RYR2: variants seen among roughly 807,000 people sequenced by gnomAD.
RYR2 encodes cardiac muscle ryanodine receptor-calcium release channel.
Under a neutral mutation model 601.1 loss-of-function variants are expected in RYR2, and 227 were observed. That is an observed-to-expected ratio of 0.38 (90% CI 0.34 to 0.42). The LOEUF (loss-of-function observed/expected upper bound fraction) is 0.42. RYR2 is among the 10% of genes least tolerant of loss of function. The pLI is 1.00. For synonymous variants in RYR2, 2,223 were observed against 2,175.1 expected (o/e 1.02, Z -0.61); for missense variants, 4,646 against 6,156.5 (o/e 0.75, Z 8.21).
intron 2 of RYR2, among the ~76,000 whole-genome samples, chr1:237,325,692 A>G (rs1252972520): frequency 2.0e-5 from 3 of 152,132 alleles, no homozygotes; most frequent in African/African-American, 4.8e-5. Context: ...TGTCTCAAAA[A>G]CAAAAACAAA....
Position 237,369,114 on chromosome 1 carries a change from C to T in RYR2, c.310-420C>T, listed in dbSNP as rs192394495. On this transcript the variant is annotated intron_variant, in intron 5 of 104. Coordinates refer to ENST00000366574, the MANE Select transcript of RYR2 (RefSeq NM_001035.3). ...CTGGGATTACAGGCATGAGCCACCA[C>T]GCCTGGCCTGAATCAACATTTATTT... Among the ~76,000 whole-genome samples, 22 of 152,180 alleles carry T rather than the reference C, an allele frequency of 1.4e-4. No homozygotes were observed. In the East Asian group the frequency reaches 1.7e-3, roughly 12 times the overall value.
At chr1:237,378,859 T>C (rs1467621868) in intron 8 of RYR2, among the ~76,000 whole-genome samples, 21 of 152,214 alleles carry the variant, frequency 1.4e-4, no homozygotes, top group Admixed American at 1.2e-3. Context: ...GGAAATGGTA[T>C]AACAGTGTCT....
chr1:237,371,157 T>A (rs1700611786), intron 6 of RYR2, among the ~76,000 whole-genome samples: 1 of 151,990 alleles, frequency 6.6e-6, no homozygotes, highest in East Asian at 1.9e-4. Flanking sequence ...GTTACCAAAT[T>A]TATATCATTT....
At chr1:237,477,249 G>A (rs1413268460) in intron 17 of RYR2, among the ~76,000 whole-genome samples, 1 of 152,096 alleles carries the variant, frequency 6.6e-6, no homozygotes, top group Non-Finnish European at 1.5e-5. Context: ...AAATAAGCTG[G>A]GCGTAGTGGT....
intron 17 of RYR2, among the ~76,000 whole-genome samples, chr1:237,484,242 T>TA (rs753892222): frequency 2.0e-5 from 3 of 152,220 alleles, no homozygotes; most frequent in Non-Finnish European, 4.4e-5. Context: ...CACACTCCTG[T>TA]ATCCTTCATG....
intron 35 of RYR2, among the ~76,000 whole-genome samples, chr1:237,604,761 A>G (rs1282827919): frequency 1.3e-5 from 2 of 152,202 alleles, no homozygotes; most frequent in African/African-American, 4.8e-5. Context: ...TCCCACAGAA[A>G]TACAAACTAC....
intron 2 of RYR2, among the ~76,000 whole-genome samples, chr1:237,327,976 T>C (rs1345667025): frequency 6.6e-6 from 1 of 152,218 alleles, no homozygotes; most frequent in African/African-American, 2.4e-5. Context: ...AATTAATAAA[T>C]GTTGGTCTGA....
At position 237,614,500 on chromosome 1, in the gene RYR2, C is replaced by T; in HGVS notation, c.5372C>T (p.Thr1791Ile). The T allele has an allele frequency of 6.2e-7, 1 of 1,614,040 alleles. No individual in the cohort carries two copies. The highest frequency in any genetic ancestry group is 8.5e-7 in the Non-Finnish European group (1 of 1,179,904). The stretch of plus-strand genomic sequence containing the variant: ...CCACTGGACATCCTCAAGTCCAAAA[C>T]CATACAGATGCTGACAGAAGCTGTT... Reference protein sequence around the residue: ...EFPLDILKSKTIQMLTEAVKE... With the variant: ...EFPLDILKSKIIQMLTEAVKE... The change falls in exon 37 of 105, where the codon ACC (threonine) becomes ATC (isoleucine). Residue 1791 changes from threonine to isoleucine, a missense_variant. Thr to Ile is a moderately conservative substitution (Grantham distance 89, BLOSUM62 -1). Transcript: ENST00000366574. The surrounding 1 kb of genome is among the most constrained non-coding windows in gnomAD (Gnocchi z 4.3).
chr1:237,617,797 T>C (rs1356267181), intron 38 of RYR2, among the ~76,000 whole-genome samples: 1 of 152,182 alleles, frequency 6.6e-6, no homozygotes, highest in East Asian at 1.9e-4. Flanking sequence ...CTTCCACTCA[T>C]AGGAATTTTT....
intron 10 of RYR2, among the ~76,000 whole-genome samples, chr1:237,413,110 G>T (rs1485558908): frequency 1.3e-5 from 2 of 152,068 alleles, no homozygotes; most frequent in African/African-American, 4.8e-5. Context: ...GTCTGAAACA[G>T]CCCATGAAGA....
intron 12 of RYR2, among the ~76,000 whole-genome samples, chr1:237,427,567 G>A (rs1706300278): frequency 6.6e-6 from 1 of 151,990 alleles, no homozygotes; most frequent in South Asian, 2.1e-4. Context: ...TGGATCACTT[G>A]AGGTCAAGAG....
chr1:237,623,169 C>G (rs1181943771), intron 38 of RYR2, among the ~76,000 whole-genome samples: 1 of 152,054 alleles, frequency 6.6e-6, no homozygotes, highest in Non-Finnish European at 1.5e-5. Flanking sequence ...ATACAAGAGT[C>G]TGACATATTG....
intron 90 of RYR2, 88 bp from the exon 91 acceptor site, chr1:237,785,881 T>C (rs1227264890): frequency 1.1e-6 from 1 of 922,302 alleles, no homozygotes; most frequent in East Asian, 2.6e-5. Context: ...ATATAGGTTA[T>C]GGTTTGACAC....
intron 1 of RYR2, among the ~76,000 whole-genome samples, chr1:237,081,690 A>G (rs1572564616): frequency 1.3e-5 from 2 of 152,134 alleles, no homozygotes. Flanking sequence ...CCAGCTGGAA[A>G]GATGGTTTTA....
At chr1:237,698,918 T>G in intron 63 of RYR2, 47 bp from the exon 64 acceptor site, 23 of 1,033,104 alleles carry the variant, frequency 2.2e-5, no homozygotes, top group Non-Finnish European at 3.3e-5. Flanking sequence ...AGAAGAACAT[T>G]GAGAAATTCT....
intron 80 of RYR2, among the ~76,000 whole-genome samples, chr1:237,751,246 G>A (rs1481316740): frequency 6.6e-6 from 1 of 152,126 alleles, no homozygotes; most frequent in Admixed American, 6.5e-5. Flanking sequence ...CTGTATTCCA[G>A]GCAGTATCCA....
intron 1 of RYR2, among the ~76,000 whole-genome samples, chr1:237,206,956 C>T (rs1045486281): frequency 3.9e-5 from 6 of 152,106 alleles, no homozygotes; most frequent in African/African-American, 1.4e-4. Context: ...TCAAAATATT[C>T]ATAACGGGCT....
At chr1:237,079,419 C>G (rs1357400161) in intron 1 of RYR2, among the ~76,000 whole-genome samples, 1 of 48,318 alleles carries the variant, frequency 2.1e-5, no homozygotes, top group Non-Finnish European at 3.4e-5. Flanking sequence ...TGATAAGCAG[C>G]TTCAGCAAAG....
At chr1:237,220,303 C>T (rs1435509923) in intron 1 of RYR2, among the ~76,000 whole-genome samples, 1 of 152,236 alleles carries the variant, frequency 6.6e-6, no homozygotes, top group Admixed American at 6.5e-5. Flanking sequence ...TTTTTCTCCT[C>T]CGGCCTTTGG....
Sources: gnomAD v4.1 joint callset for allele counts (sites outside exome capture counted in the v4.1 genomes callset) on GRCh38, gnomAD v4.1.1 for gene constraint, Gnocchi (gnomAD v3.1) non-coding constraint, MANE v1.5 for transcripts, NCBI Gene and HGNC (gene_info 2026-07-23, HGNC 2026-07-21) for gene names.